The following TMEM33 variants were observed in gnomAD, a reference collection of about 807,000 sequenced individuals.
The protein encoded by TMEM33 is transmembrane protein 33.
In TMEM33, 16 loss-of-function variants were observed where a neutral mutation model predicts 29.7. The observed-to-expected ratio is 0.54, with a 90% CI of 0.36 to 0.82. The LOEUF is 0.82. TMEM33 is among the 40% of genes least tolerant of loss of function. TMEM33 has a pLI of 0.00. For missense variants in TMEM33, 252 were observed against 295.3 expected, an observed-to-expected ratio of 0.85 and a Z score of 1.08; for synonymous variants, 112 against 109.4, an observed-to-expected ratio of 1.02 and a Z score of -0.15.
At chr4:41,937,116 A>T (rs1294621977) in intron 1 of TMEM33, among the ~76,000 whole-genome samples, 1 of 151,774 alleles carries the variant, frequency 6.6e-6, no homozygotes, top group Non-Finnish European at 1.5e-5. Flanking sequence ...ATACCAATAG[A>T]CTTTCTTAAA....
At chr4:41,937,128 T>A (rs189105891) in intron 1 of TMEM33, among the ~76,000 whole-genome samples, 95 of 152,144 alleles carry the variant, frequency 6.2e-4, no homozygotes, top group African/African-American at 2.1e-3. Context: ...TTTCTTAAAC[T>A]TTTAAAATTG....
At chr4:41,943,520 T>C (rs113947776) in intron 3 of TMEM33, among the ~76,000 whole-genome samples, 4,294 of 144,372 alleles carry the variant, frequency 0.03, 99 homozygotes, top group African/African-American at 0.063. Flanking sequence ...AGTGAGACTT[T>C]GTCTCAAAAA....
At chr4:41,952,119 TAGG>T (rs1713067720) in intron 6 of TMEM33, among the ~76,000 whole-genome samples, 1 of 152,012 alleles carries the variant, frequency 6.6e-6, no homozygotes, top group African/African-American at 2.4e-5. Flanking sequence ...TGAAAGGTAT[TAGG>T]AGATAGGATA....
chr4:41,945,068 A>G, intron 5 of TMEM33, 142 bp downstream of exon 5: 1 of 1,011,660 alleles, frequency 9.9e-7, no homozygotes, highest in Admixed American at 2.9e-5. Context: ...GCCTAATCTA[A>G]CCTTTGTCAT....
Position 41,960,674 on chromosome 4 carries a change from C to G in TMEM33, c.*6475C>G, listed in dbSNP as rs1490867390. The stretch of plus-strand genomic sequence containing the variant: ...GAATAAGGTGAATTTGAACACACTC[C>G]TCTTATCCTCAGCCCATCACAAATA... On this transcript the variant is annotated 3_prime_UTR_variant, in exon 7 of 7. Transcript: ENST00000504986. 6.6e-6 allele frequency: 1 copy of G among 152,052 alleles called. No individual in the cohort carries two copies. Among genetic ancestry groups the G allele is most frequent in the African/African-American group, 2.4e-5 (1 of 41,418 alleles). 9.4% of individuals were successfully genotyped at this position (152,052 alleles called of 1,614,324 possible). A position where few individuals can be genotyped will look rare whatever the true frequency, so the allele number is the denominator to read the frequency against.
intron 4 of TMEM33, among the ~76,000 whole-genome samples, chr4:41,944,407 C>T (rs1712688374): frequency 6.6e-6 from 1 of 152,196 alleles, no homozygotes; most frequent in African/African-American, 2.4e-5. Flanking sequence ...TCTTTGGTCA[C>T]AGCAGTAATT....
Position 41,949,320 on chromosome 4 carries a change from C to T in TMEM33, c.549C>T (p.Leu183=), listed in dbSNP as rs1435864370. The T allele has an allele frequency of 6.2e-7, 1 of 1,609,546 alleles. No individual in the cohort carries two copies. The highest frequency in any genetic ancestry group is 1.3e-5 in the African/African-American group (1 of 74,780). The change falls in exon 6 of 7, where the codon CTC becomes CTT. Residue 183 remains leucine (L), a synonymous_variant. Transcript: ENST00000504986. ...FMLFSGQGSL[L]QPFIYYRFLT... ...ATTTCAGTGGTCAAGGAAGTTTGCT[C>T]CAACCTTTTATATACTATAGATTTC...
rs1713384883 is a variant in TMEM33 at position 41,959,088 on chromosome 4, A to G, written c.*4889A>G. On this transcript the variant is annotated 3_prime_UTR_variant, in exon 7 of 7. Coordinates refer to ENST00000504986, the MANE Select transcript of TMEM33 (RefSeq NM_018126.3). Reference sequence around the variant, plus strand: ...GAGAATTCCACAGAGCCTATATGATATTATAGCTCAACATTTAGTATACCA... The same window carrying G: ...GAGAATTCCACAGAGCCTATATGATGTTATAGCTCAACATTTAGTATACCA... The G allele has an allele frequency of 6.6e-6, 1 of 152,130 alleles. No individual in the cohort carries two copies. The highest frequency in any genetic ancestry group is 1.5e-5 in the Non-Finnish European group (1 of 67,994). 9.4% of individuals were successfully genotyped at this position (152,130 alleles called of 1,614,324 possible).
Position 41,959,743 on chromosome 4 carries a change from T to C in TMEM33, c.*5544T>C, listed in dbSNP as rs1347104942. 1 of 152,186 alleles carries C rather than the reference T, an allele frequency of 6.6e-6. No individual in the cohort carries two copies. The highest frequency in any genetic ancestry group is 1.5e-5 in the Non-Finnish European group (1 of 68,010). 9.4% of individuals were successfully genotyped at this position (152,186 alleles called of 1,614,324 possible). A position where few individuals can be genotyped will look rare whatever the true frequency, so the allele number is the denominator to read the frequency against. ...AGTTGAGACCAAATCGGTGAAGTGTTGAGCAAGTAACATTTATGATGTGTG... is the reference window on the plus strand; with the variant it reads ...AGTTGAGACCAAATCGGTGAAGTGTCGAGCAAGTAACATTTATGATGTGTG... On this transcript the variant is annotated 3_prime_UTR_variant, in exon 7 of 7. Coordinates refer to ENST00000504986, the MANE Select transcript of TMEM33 (RefSeq NM_018126.3).
chr4:41,937,661 G>A (rs1712307378), intron 1 of TMEM33, among the ~76,000 whole-genome samples: 1 of 152,008 alleles, frequency 6.6e-6, no homozygotes, highest in African/African-American at 2.4e-5. Context: ...GTAAATATTT[G>A]TGAAACTTTT....
rs533603542 is a variant in TMEM33, at chr4:41,945,710, C to A, written c.530+784C>A. Among the ~76,000 whole-genome samples, 20 of 152,202 alleles carry A rather than the reference C, an allele frequency of 1.3e-4. 1 individual carries two copies. Among genetic ancestry groups the A allele is most frequent in the African/African-American group, 4.8e-4 (20 of 41,522 alleles). On this transcript the variant is annotated intron_variant, in intron 5 of 6. Coordinates refer to ENST00000504986, the MANE Select transcript of TMEM33 (RefSeq NM_018126.3). ...TTCTGGCTGGGCACAGTGGCTCATG[C>A]CTGTAATCCCAGCATTTTGGGAGGC...
Position 41,955,550 on chromosome 4 carries a change from C to CA in TMEM33, c.*1352dup, listed in dbSNP as rs1713228911. 1 of 152,552 alleles carries CA rather than the reference C, an allele frequency of 6.6e-6. No individual in the cohort carries two copies. The highest frequency in any genetic ancestry group is 1.5e-5 in the Non-Finnish European group (1 of 68,022). 9.4% of individuals were successfully genotyped at this position (152,552 alleles called of 1,614,324 possible). A position where few individuals can be genotyped will look rare whatever the true frequency, so the allele number is the denominator to read the frequency against. On this transcript the variant is annotated 3_prime_UTR_variant, in exon 7 of 7. Coordinates refer to ENST00000504986, the MANE Select transcript of TMEM33 (RefSeq NM_018126.3). Reference sequence around the variant, plus strand: ...ACATTCATTAGTAATTTATCAGTAACATTAGTTTTATTTTTGTTCATCTCC... The same window carrying CA: ...ACATTCATTAGTAATTTATCAGTAACAATTAGTTTTATTTTTGTTCATCTCC...
intron 5 of TMEM33, among the ~76,000 whole-genome samples, chr4:41,948,468 T>C (rs1311056527): frequency 6.6e-6 from 1 of 152,148 alleles, no homozygotes; most frequent in Non-Finnish European, 1.5e-5. Flanking sequence ...TGTAAATTTT[T>C]TTTAATGAAA....
chr4:41,945,020 A>G, intron 5 of TMEM33, 94 bp downstream of exon 5: 6 of 1,474,212 alleles, frequency 4.1e-6, no homozygotes, highest in Non-Finnish European at 4.6e-6. Flanking sequence ...TGTTGAAGGT[A>G]GGTATTGACA....
At position 41,939,394 on chromosome 4, in the gene TMEM33, C is replaced by T. The variant is rs1303777139; in HGVS notation, c.328+11C>T. ...CCTATCCAGTTACAAGTATCCTTTTCTACCTTGTTAACAATGAAATTGCCA... is the reference window on the plus strand; with the variant it reads ...CCTATCCAGTTACAAGTATCCTTTTTTACCTTGTTAACAATGAAATTGCCA... On this transcript the variant is annotated intron_variant, in intron 3 of 6. Coordinates refer to ENST00000504986, the MANE Select transcript of TMEM33 (RefSeq NM_018126.3). 1.2e-6 allele frequency: 2 copies of T among 1,608,812 alleles called. No individual in the cohort carries two copies. The highest frequency in any genetic ancestry group is 1.7e-6 in the Non-Finnish European group (2 of 1,178,860).
rs1713429836 is a variant in TMEM33 at position 41,960,701 on chromosome 4, T to C, written c.*6502T>C. 6.6e-6 allele frequency: 1 copy of C among 152,020 alleles called. No homozygotes were observed. Among genetic ancestry groups the C allele is most frequent in the African/African-American group, 2.4e-5 (1 of 41,404 alleles). 9.4% of individuals were successfully genotyped at this position (152,020 alleles called of 1,614,324 possible). ...CTTATCCTCAGCCCATCACAAATAA[T>C]AGAGATGCCATGATTTTGAGGTCTG... On this transcript the variant is annotated 3_prime_UTR_variant, in exon 7 of 7. Coordinates refer to ENST00000504986, the MANE Select transcript of TMEM33 (RefSeq NM_018126.3).
chr4:41,936,184 T>C (rs996893804), intron 1 of TMEM33, among the ~76,000 whole-genome samples: 7 of 152,230 alleles, frequency 4.6e-5, no homozygotes, highest in Non-Finnish European at 8.8e-5. Context: ...ATAAAATCCA[T>C]GTGCAAATTT....
chr4:41,940,046 CTTTTTTTTT>C (rs71650953), intron 3 of TMEM33, among the ~76,000 whole-genome samples: 2 of 81,358 alleles, frequency 2.5e-5, no homozygotes, highest in South Asian at 4.1e-4. Context: ...GTTAAACTTT[CTTTTTTTTT>C]TTTTTTTTTT....
intron 6 of TMEM33, among the ~76,000 whole-genome samples, chr4:41,950,509 G>A (rs1024474183): frequency 4.6e-5 from 7 of 152,026 alleles, no homozygotes; most frequent in African/African-American, 9.7e-5. Flanking sequence ...TATTTTAAAA[G>A]TACTTAGACT....
Sources: allele counts gnomAD v4.1 joint callset (sites outside exome capture counted in the v4.1 genomes callset), GRCh38; gene constraint gnomAD v4.1.1; transcripts MANE v1.5; gene names NCBI Gene and HGNC (gene_info 2026-07-23, HGNC 2026-07-21).